ARID2: variants seen among roughly 807,000 people sequenced by gnomAD.
ARID2 encodes AT-rich interactive domain-containing protein 2.
A neutral mutation model predicts 184.6 loss-of-function variants in ARID2; 32 were observed. That is an observed-to-expected ratio of 0.17 (90% CI 0.13 to 0.23). ARID2 has a LOEUF of 0.23. Among genes scored for constraint, ARID2 ranks in the 10% least tolerant of loss-of-function variants. ARID2 has a pLI of 1.00. For synonymous variants in ARID2, 836 were observed against 772.6 expected (o/e 1.08, Z -1.36); for missense variants, 1,696 against 2,197.6 (o/e 0.77, Z 4.56).
chr12:45,846,450 A>G (rs1245481357), intron 11 of ARID2, among the ~76,000 whole-genome samples: 1 of 152,134 alleles, frequency 6.6e-6, no homozygotes, highest in Admixed American at 6.6e-5. Flanking sequence ...GTTGAACTGT[A>G]TGACCCTGGG....
intron 10 of ARID2, 67 bp downstream of exon 10, chr12:45,837,774 A>G: frequency 7.1e-7 from 1 of 1,404,908 alleles, no homozygotes; most frequent in African/African-American, 1.4e-5. Flanking sequence ...GTACTGTACA[A>G]AACCCTCAAT....
intron 20 of ARID2, among the ~76,000 whole-genome samples, chr12:45,898,913 C>G (rs1488044182): frequency 2.6e-5 from 4 of 151,820 alleles, no homozygotes; most frequent in Non-Finnish European, 5.9e-5. Context: ...GATTGCATCT[C>G]AAATAAATAA....
At chr12:45,748,176 G>T (rs748859852) in intron 3 of ARID2, among the ~76,000 whole-genome samples, 4 of 152,116 alleles carry the variant, frequency 2.6e-5, no homozygotes, top group Non-Finnish European at 5.9e-5. Context: ...AACCTAGGCA[G>T]TCTCAAGCTG....
chr12:45,802,295 T>C (rs905823423), intron 3 of ARID2, among the ~76,000 whole-genome samples: 1 of 152,098 alleles, frequency 6.6e-6, no homozygotes, highest in African/African-American at 2.4e-5. Flanking sequence ...TCAAAACTCT[T>C]GGGCTCAGGT....
chr12:45,848,808 A>T, intron 12 of ARID2, 28 bp from the exon 13 acceptor site: 1 of 1,597,814 alleles, frequency 6.3e-7, no homozygotes, highest in South Asian at 1.1e-5. Context: ...AGTATATTGT[A>T]TAATGCTTAA....
intron 3 of ARID2, among the ~76,000 whole-genome samples, chr12:45,808,701 T>C (rs924693074): frequency 1.3e-5 from 2 of 151,950 alleles, no homozygotes; most frequent in Non-Finnish European, 2.9e-5. Context: ...TGTTGCTTTC[T>C]CTCCCGGCCG....
Position 45,782,015 on chromosome 12 carries a change from T to A in ARID2, c.285-29403T>A, listed in dbSNP as rs192568778. 2.2e-4 allele frequency among the ~76,000 whole-genome samples: 33 copies of A among 152,158 alleles called. No homozygotes were observed. The East Asian group carries it at 4.6e-3, about 21-fold the overall frequency. ...TTAAATGACCAGTAAAGGGGAGGTATAAAAAGTTAATATAAAAGTTATAGA... is the reference window on the plus strand; with the variant it reads ...TTAAATGACCAGTAAAGGGGAGGTAAAAAAAGTTAATATAAAAGTTATAGA... On this transcript the variant is annotated intron_variant, in intron 3 of 20. Coordinates refer to ENST00000334344, the MANE Select transcript of ARID2 (RefSeq NM_152641.4).
rs560269882 is a variant in ARID2 at position 45,762,282 on chromosome 12, TAC to T, written c.284+30971_284+30972del. Among the ~76,000 whole-genome samples, 21 of 152,324 alleles carry T rather than the reference TAC, an allele frequency of 1.4e-4. No homozygotes were observed. The East Asian group carries it at 3.5e-3, about 25-fold the overall frequency. ...ATATTTAGAGAGTGAGAGATGGACA[TAC>T]ACCGAGCTCAGCCATACTTGGTGTT... On this transcript the variant is annotated intron_variant, in intron 3 of 20. Coordinates refer to ENST00000334344, the MANE Select transcript of ARID2 (RefSeq NM_152641.4).
At chr12:45,739,438 C>CTTTTTTTTTT (rs71067906) in intron 3 of ARID2, among the ~76,000 whole-genome samples, 4 of 90,780 alleles carry the variant, frequency 4.4e-5, no homozygotes, top group Admixed American at 1.6e-4. Context: ...TATAAAGTTA[C>CTTTTTTTTTT]TTTTTTTTTT....
At chr12:45,833,635 A>C (rs1943162610) in intron 6 of ARID2, among the ~76,000 whole-genome samples, 1 of 152,150 alleles carries the variant, frequency 6.6e-6, no homozygotes, top group Non-Finnish European at 1.5e-5. Flanking sequence ...TTATCAGAGT[A>C]GGGTTGTTTT....
chr12:45,855,174 A>C (rs1392026753), intron 15 of ARID2, among the ~76,000 whole-genome samples: 1 of 152,212 alleles, frequency 6.6e-6, no homozygotes, highest in Non-Finnish European at 1.5e-5. Context: ...CTGTGGTGTT[A>C]TGAGATGTTC....
At chr12:45,897,382 A>G (rs2136466039) in intron 20 of ARID2, among the ~76,000 whole-genome samples, 1 of 152,356 alleles carries the variant, frequency 6.6e-6, no homozygotes, top group Admixed American at 6.5e-5. Flanking sequence ...AAGGAAAACC[A>G]GACAAACTGT....
At chr12:45,760,928 C>A (rs1315699214) in intron 3 of ARID2, among the ~76,000 whole-genome samples, 2 of 152,078 alleles carry the variant, frequency 1.3e-5, no homozygotes, top group African/African-American at 4.8e-5. Flanking sequence ...GTGGTGCGAT[C>A]ATAGCTCACT....
Position 45,839,480 on chromosome 12 carries a change from T to C in ARID2, c.1482T>C (p.His494=). The C allele has an allele frequency of 6.2e-7, 1 of 1,612,586 alleles. No homozygotes were observed. Among genetic ancestry groups the C allele is most frequent in the Non-Finnish European group, 8.5e-7 (1 of 1,179,528 alleles). Residue 494 remains histidine (H), a synonymous_variant, in exon 11 of 21, where the codon CAT becomes CAC. Coordinates refer to ENST00000334344, the MANE Select transcript of ARID2 (RefSeq NM_152641.4). ...QAIEQVQTQT[H]VASAPASRAV... is the part of the protein sequence containing the mutation. ...TAGAGCAAGTCCAAACCCAGACTCA[T>C]GTAGCATCTGCCCCAGGTTAGTGTT...
chr12:45,742,511 A>G (rs553326153), intron 3 of ARID2, among the ~76,000 whole-genome samples: 1 of 152,360 alleles, frequency 6.6e-6, no homozygotes, highest in Admixed American at 6.5e-5. Flanking sequence ...ACGTAAGATT[A>G]AGCCTAGTTT....
At chr12:45,866,796 A>G (rs1242445996) in intron 16 of ARID2, among the ~76,000 whole-genome samples, 2 of 152,224 alleles carry the variant, frequency 1.3e-5, no homozygotes, top group Admixed American at 1.3e-4. Context: ...CTTTATAGGA[A>G]TGGTACATTT....
chr12:45,772,857 T>G (rs912149892), intron 3 of ARID2, among the ~76,000 whole-genome samples: 5 of 152,066 alleles, frequency 3.3e-5, no homozygotes, highest in African/African-American at 1.2e-4. Context: ...TGGCAGATGA[T>G]CAACAAGGAA....
chr12:45,878,926 GC>G (rs1944054150), intron 16 of ARID2, among the ~76,000 whole-genome samples: 1 of 152,146 alleles, frequency 6.6e-6, no homozygotes, highest in Admixed American at 6.5e-5. Context: ...GTTTGCTGTA[GC>G]TGTAGGTGTC....
intron 3 of ARID2, among the ~76,000 whole-genome samples, chr12:45,810,362 C>T (rs765126899): frequency 1.3e-5 from 2 of 152,078 alleles, no homozygotes; most frequent in African/African-American, 2.4e-5. Context: ...TGGGGGGATA[C>T]ACTGTCTTAT....
Sources: gnomAD v4.1 joint callset for allele counts (sites outside exome capture counted in the v4.1 genomes callset) on GRCh38, gnomAD v4.1.1 for gene constraint, MANE v1.5 for transcripts, NCBI Gene and HGNC (gene_info 2026-07-23, HGNC 2026-07-21) for gene names.